Variants in SYNE1 observed in about 807,000 individuals in gnomAD.
SYNE1 encodes the protein spectrin repeat containing nuclear envelope protein 1, also known as nesprin-1.
In SYNE1, 616 loss-of-function variants were observed where a neutral mutation model predicts 1,111.0. The ratio of observed to expected loss-of-function variants is 0.55; its 90% confidence interval spans 0.52 to 0.59. The LOEUF is 0.59. Among genes scored for constraint, SYNE1 ranks in the 20% least tolerant of loss-of-function variants. SYNE1 has a pLI of 0.00. For synonymous variants in SYNE1, 3,855 were observed against 3,825.8 expected (o/e 1.01, Z -0.28); for missense variants, 10,006 against 10,417.0 (o/e 0.96, Z 1.72).
At chr6:152,134,338 C>T (rs1203700244) in intron 142 of SYNE1, 2 of 152,184 alleles carry the variant, frequency 1.3e-5, no homozygotes, top group Non-Finnish European at 2.9e-5. Flanking sequence ...AAACTTGATG[C>T]TCAGGTTCAT....
intron 104 of SYNE1, among the ~76,000 whole-genome samples, chr6:152,250,235 G>GC (rs1483499109): frequency 1.3e-5 from 2 of 151,834 alleles, no homozygotes; most frequent in Non-Finnish European, 2.9e-5. Flanking sequence ...CTACATGCCA[G>GC]CCTGGGTGAC....
intron 3 of SYNE1, among the ~76,000 whole-genome samples, chr6:152,554,930 A>C (rs545882370): frequency 6.6e-6 from 1 of 152,310 alleles, no homozygotes; most frequent in South Asian, 2.1e-4. Context: ...GGTAGGACTT[A>C]AGTTCTAATT....
chr6:152,139,968 G>C lies in SYNE1; in HGVS notation c.25440C>G (p.Leu8480=). ...ELSTDIQTIE[L]QIKKLKELQK... ...CAGCTACCTTGAGCTTTTTGATCTGGAGCTCGATGGTCTGGATGTCAGTGC... is the reference window on the plus strand; with the variant it reads ...CAGCTACCTTGAGCTTTTTGATCTGCAGCTCGATGGTCTGGATGTCAGTGC... Residue 8480 remains leucine (L), a synonymous_variant, in exon 140 of 146, where the codon CTC becomes CTG. Coordinates refer to ENST00000367255, the MANE Select transcript of SYNE1 (RefSeq NM_182961.4). 6.2e-7 allele frequency: 1 copy of C among 1,613,724 alleles called. No homozygotes were observed. Among genetic ancestry groups the C allele is most frequent in the Non-Finnish European group, 8.5e-7 (1 of 1,180,036 alleles).
intron 6 of SYNE1, among the ~76,000 whole-genome samples, chr6:152,514,789 C>T (rs1193608137): frequency 6.6e-6 from 1 of 152,032 alleles, no homozygotes; most frequent in African/African-American, 2.4e-5. Flanking sequence ...CCCCAGAAAA[C>T]AACCCTGAGG....
chr6:152,289,919 C>A (rs534948425), intron 95 of SYNE1, among the ~76,000 whole-genome samples: 7 of 139,766 alleles, frequency 5.0e-5, no homozygotes, highest in Admixed American at 2.3e-4. Context: ...AGCTACCGCG[C>A]CCAGCCTTTT....
rs192618606 is a variant in SYNE1 at position 152,379,858 on chromosome 6, G to T, written c.9009+1148C>A. ...ATGAACAGAATAGTAATGTAATCTA[G>T]GCACAGCCAAATCTTTCCTTTTTAA... is the stretch of plus-strand genomic sequence containing the variant. On this transcript the variant is annotated intron_variant, in intron 56 of 145. Transcript: ENST00000367255. Among the ~76,000 whole-genome samples the T allele has an allele frequency of 8.9e-4, 136 of 152,136 alleles. 1 individual carries two copies. The highest frequency in any genetic ancestry group is 4.0e-4 in the Non-Finnish European group (27 of 67,990).
intron 10 of SYNE1, among the ~76,000 whole-genome samples, chr6:152,501,055 G>A (rs2099027432): frequency 6.6e-6 from 1 of 151,970 alleles, no homozygotes; most frequent in Non-Finnish European, 1.5e-5. Flanking sequence ...GACCTGAACA[G>A]TGAAGACAGA....
chr6:152,382,772 T>C (rs1051451892), intron 55 of SYNE1, among the ~76,000 whole-genome samples: 1 of 152,208 alleles, frequency 6.6e-6, no homozygotes, highest in Non-Finnish European at 1.5e-5. Flanking sequence ...AAATACTCTC[T>C]TATGCTTTAT....
Position 152,317,453 on chromosome 6 carries a change from T to C in SYNE1, c.16573-467A>G, listed in dbSNP as rs923398154. On this transcript the variant is annotated intron_variant, in intron 86 of 145. Transcript: ENST00000367255. ...CTGGTCTCAAACTCCTAGGCTCAAG[T>C]GATCCTTCTGCCTCAGCCTCCCAAA... Among the ~76,000 whole-genome samples, 3 of 152,016 alleles carry C rather than the reference T, an allele frequency of 2.0e-5. No individual in the cohort carries two copies. In the South Asian group the frequency reaches 6.2e-4, roughly 32 times the overall value.
At chr6:152,190,427 T>C (rs768677506) in intron 127 of SYNE1, among the ~76,000 whole-genome samples, 1 of 152,194 alleles carries the variant, frequency 6.6e-6, no homozygotes, top group African/African-American at 2.4e-5. Context: ...CCATGAATCA[T>C]GAATGTTGCT....
chr6:152,510,860 A>G (rs1182184419), intron 7 of SYNE1, 151 bp downstream of exon 7: 3 of 795,822 alleles, frequency 3.8e-6, no homozygotes, highest in East Asian at 2.5e-5. Flanking sequence ...AAATTCTCCT[A>G]CCAAAGAAAC....
At chr6:152,251,019 G>A (rs566173481) in intron 104 of SYNE1, among the ~76,000 whole-genome samples, 7 of 152,154 alleles carry the variant, frequency 4.6e-5, no homozygotes, top group Admixed American at 2.6e-4. Context: ...GCGCGATCTC[G>A]GCTCACTGGA....
chr6:152,526,039 G>C (rs1442376490), intron 5 of SYNE1, 41 bp downstream of exon 5: 1 of 1,584,406 alleles, frequency 6.3e-7, no homozygotes, highest in Non-Finnish European at 8.7e-7. Context: ...ATTCCAAATG[G>C]AAACAATTTG....
At chr6:152,151,466 T>G in intron 135 of SYNE1, 87 bp downstream of exon 135, 1 of 1,540,596 alleles carries the variant, frequency 6.5e-7, no homozygotes, top group Non-Finnish European at 8.8e-7. Context: ...AAAGAAAAGT[T>G]ATTTGCTATG....
intron 130 of SYNE1, chr6:152,167,646 A>G (rs1009948910): frequency 2.9e-5 from 13 of 440,772 alleles, no homozygotes; most frequent in South Asian, 1.6e-4. Context: ...TCAAACACAC[A>G]GCATTTTCTA....
At position 152,399,452 on chromosome 6, in the gene SYNE1, C is replaced by A. The variant is rs141876258; in HGVS notation, c.7237+164G>T. ...GAAAAAATTCTGCATAGGGTGAGAG[C>A]CTCCAGCACAGCACTTCTATTGCTC... On this transcript the variant is annotated intron_variant, in intron 48 of 145. Coordinates refer to ENST00000367255, the MANE Select transcript of SYNE1 (RefSeq NM_182961.4). Among the ~76,000 whole-genome samples the A allele has an allele frequency of 1.7e-3, 260 of 152,264 alleles. 3 individuals carry two copies. Among genetic ancestry groups the A allele is most frequent in the Non-Finnish European group, 5.3e-4 (36 of 68,012 alleles).
intron 30 of SYNE1, among the ~76,000 whole-genome samples, chr6:152,442,559 T>G (rs950086434): frequency 1.3e-5 from 2 of 152,230 alleles, no homozygotes; most frequent in African/African-American, 4.8e-5. Flanking sequence ...TCTGACATGA[T>G]TCTTCTTAAA....
In SYNE1 at chr6:152,323,556, T is replaced by C. The variant is rs567339732; in HGVS notation, c.15839A>G (p.Gln5280Arg). The change falls in exon 82 of 146, where the codon CAG (glutamine) becomes CGG (arginine). Residue 5280 changes from glutamine to arginine, a missense_variant. Gln to Arg is a conservative substitution (Grantham distance 43). Coordinates refer to ENST00000367255, the MANE Select transcript of SYNE1 (RefSeq NM_182961.4). The stretch of plus-strand genomic sequence containing the variant: ...CCCAGGGGTTGGGGCGGCTCCATCC[T>C]GGAGCATGCTCAGGGTTTGCTGCCG... ...MLRQQTLSMLQDGAAPTPGEE... is the reference protein window; with the variant it reads ...MLRQQTLSMLRDGAAPTPGEE... 6 of 1,614,244 alleles carry C rather than the reference T, an allele frequency of 3.7e-6. No individual in the cohort carries two copies. In the East Asian group the frequency reaches 1.3e-4, roughly 36 times the overall value.
Position 152,376,466 on chromosome 6 carries a change from A to G in SYNE1, c.9239T>C (p.Leu3080Ser). 1.2e-6 allele frequency: 2 copies of G among 1,614,212 alleles called. No individual in the cohort carries two copies. The highest frequency in any genetic ancestry group is 3.3e-5 in the Admixed American group (2 of 60,022). ...RKAFRDFQQWLVNAKITTAKC... is the reference protein window; with the variant it reads ...RKAFRDFQQWSVNAKITTAKC... Reference sequence around the variant, plus strand: ...GGCGGTAGTGATTTTTGCATTAACCAACCACTGCTGGAAATCCCTGAAGGC... The same window carrying G: ...GGCGGTAGTGATTTTTGCATTAACCGACCACTGCTGGAAATCCCTGAAGGC... Residue 3080 changes from leucine to serine, a missense_variant, in exon 58 of 146, where the codon TTG becomes TCG. This residue lies in a region of SYNE1 where 4,955 missense variants were observed against 5,017.2 expected (regional missense o/e 0.99). Coordinates refer to ENST00000367255, the MANE Select transcript of SYNE1 (RefSeq NM_182961.4).
Sources: allele counts gnomAD v4.1 joint callset (sites outside exome capture counted in the v4.1 genomes callset), GRCh38; gene constraint gnomAD v4.1.1; regional missense constraint gnomAD v4.1.1; transcripts MANE v1.5; gene names NCBI Gene and HGNC (gene_info 2026-07-23, HGNC 2026-07-21).